XDH: variants seen among roughly 807,000 people sequenced by gnomAD.
XDH encodes the protein xanthine dehydrogenase/oxidase.
XDH carries 138 observed loss-of-function variants against 156.1 expected under a neutral mutation model. The ratio of observed to expected loss-of-function variants is 0.88; its 90% CI spans 0.77 to 1.02. XDH has a LOEUF of 1.02. XDH is among the 50% of genes least tolerant of loss of function. XDH has a pLI of 0.00. For synonymous variants in XDH, 669 were observed against 625.7 expected, an observed-to-expected ratio of 1.07 and a Z score of -1.03; for missense variants, 1,849 against 1,684.9, an observed-to-expected ratio of 1.10 and a Z score of -1.71.
At position 31,401,277 on chromosome 2, in the gene XDH, A is replaced by T; in HGVS notation, c.249T>A (p.Val83=). The T allele has an allele frequency of 6.2e-7, 1 of 1,614,208 alleles. No homozygotes were observed. The highest frequency in any genetic ancestry group is 8.5e-7 in the Non-Finnish European group (1 of 1,180,024). ...CLAPICSLHH[V]AVTTVEGIGS... The stretch of plus-strand genomic sequence containing the variant: ...CTATTCCTTCCACAGTTGTCACTGC[A>T]ACATGGTGCAAGGAGCAGATGGGGG... Residue 83 remains valine (V), a synonymous_variant, in exon 4 of 36, where the codon GTT becomes GTA. Coordinates refer to ENST00000379416, the MANE Select transcript of XDH (RefSeq NM_000379.4).
chr2:31,392,208 G>A (rs1686785440), intron 6 of XDH, among the ~76,000 whole-genome samples: 1 of 151,596 alleles, frequency 6.6e-6, no homozygotes, highest in Non-Finnish European at 1.5e-5. Context: ...AGTTAGCCTG[G>A]CCAGAGGCTT....
chr2:31,366,762 T>C, intron 21 of XDH, 108 bp downstream of exon 21: 2 of 1,576,104 alleles, frequency 1.3e-6, no homozygotes, highest in Non-Finnish European at 1.7e-6. Flanking sequence ...GAGTACCCTC[T>C]GGACCAGCCC....
intron 18 of XDH, among the ~76,000 whole-genome samples, chr2:31,369,319 TA>T (rs1419316472): frequency 2.6e-5 from 4 of 152,102 alleles, no homozygotes; most frequent in Non-Finnish European, 5.9e-5. Context: ...CCCATAAAAA[TA>T]TTTTTAAAAA....
chr2:31,359,672 T>C (rs557019286), intron 24 of XDH, among the ~76,000 whole-genome samples: 7 of 152,334 alleles, frequency 4.6e-5, no homozygotes, highest in Admixed American at 4.6e-4. Flanking sequence ...GAGATTTCTT[T>C]GATTCCAATT....
rs1686264543 is a variant in XDH, at chr2:31,377,054, T to A, written c.1426A>T (p.Lys476Ter). 2 of 1,614,002 alleles carry A rather than the reference T, an allele frequency of 1.2e-6. No individual in the cohort carries two copies. The change falls in exon 14 of 36, where the codon AAG becomes TAG. Residue 476 changes from lysine (K) to a stop codon, truncating the protein, a stop_gained and splice_region_variant. Coordinates refer to ENST00000379416, the MANE Select transcript of XDH (RefSeq NM_000379.4). LOFTEE classifies it high-confidence loss of function. ...TTTCATTGTGCTGTTAGCTCTTACT[T>A]GGAAAGCTGCCTCTGAGTGGTCTTG... ...ALKTTQRQLS[K>*]LWKEELLQDV...
intron 26 of XDH, among the ~76,000 whole-genome samples, chr2:31,349,454 G>A (rs914189188): frequency 2.6e-5 from 4 of 152,170 alleles, no homozygotes; most frequent in African/African-American, 7.2e-5. Context: ...TTACAAACGC[G>A]TAAAGATGAA....
chr2:31,398,596 T>C lies in XDH; in HGVS notation c.410A>G (p.Glu137Gly). 6.2e-7 allele frequency: 1 copy of C among 1,614,090 alleles called. No homozygotes were observed. Among genetic ancestry groups the C allele is most frequent in the Non-Finnish European group, 8.5e-7 (1 of 1,179,964 alleles). The change falls in exon 5 of 36, where the codon GAG becomes GGG. Residue 137 changes from glutamate (E) to glycine (G), a missense_variant. Coordinates refer to ENST00000379416, the MANE Select transcript of XDH (RefSeq NM_000379.4). ...ACCTTGGAAGGCATTCTCAATCTCC[T>C]CCATGGTGGGCTCGGGCTGATTCCG... ...LLRNQPEPTM[E>G]EIENAFQGNL...
At chr2:31,370,278 G>C in intron 18 of XDH, 77 bp downstream of exon 18, 1 of 1,538,560 alleles carries the variant, frequency 6.5e-7, no homozygotes, top group Non-Finnish European at 8.9e-7. Context: ...TCCAGATCAG[G>C]AGTTTGGAGC....
chr2:31,405,312 C>T (rs1188739701), intron 2 of XDH, among the ~76,000 whole-genome samples: 3 of 152,104 alleles, frequency 2.0e-5, no homozygotes, highest in Non-Finnish European at 2.9e-5. Flanking sequence ...AGAATACTTC[C>T]GATACTCAGA....
At chr2:31,393,541 G>C (rs779096608) in intron 6 of XDH, among the ~76,000 whole-genome samples, 2 of 152,148 alleles carry the variant, frequency 1.3e-5, no homozygotes, top group Non-Finnish European at 2.9e-5. Context: ...ACAACATATA[G>C]TTGGGTCTTG....
intron 32 of XDH, among the ~76,000 whole-genome samples, chr2:31,341,632 C>A (rs1414041279): frequency 6.6e-6 from 1 of 152,070 alleles, no homozygotes; most frequent in African/African-American, 2.4e-5. Flanking sequence ...CAGCAATGAT[C>A]TCTCAGTAAC....
intron 3 of XDH, 66 bp downstream of exon 3, chr2:31,402,982 C>T: frequency 1.9e-6 from 3 of 1,561,174 alleles, no homozygotes; most frequent in African/African-American, 1.3e-5. Flanking sequence ...CACTCATGCA[C>T]TCCCTCACAA....
chr2:31,367,177 A>C (rs954720847), intron 20 of XDH, among the ~76,000 whole-genome samples, 183 bp from the exon 21 acceptor site: 10 of 152,134 alleles, frequency 6.6e-5, no homozygotes, highest in Non-Finnish European at 1.0e-4. Context: ...CTGGGAGCTG[A>C]GTGCTCCAGC....
intron 13 of XDH, among the ~76,000 whole-genome samples, chr2:31,377,856 CAA>C (rs774031982): frequency 8.4e-5 from 10 of 119,054 alleles, no homozygotes; most frequent in Non-Finnish European, 5.4e-5. Context: ...CCTATCTCTA[CAA>C]AAAAAAAAAA....
At chr2:31,385,750 C>T (rs527542977) in intron 9 of XDH, among the ~76,000 whole-genome samples, 1 of 152,342 alleles carries the variant, frequency 6.6e-6, no homozygotes, top group South Asian at 2.1e-4. Flanking sequence ...CCAGGCCTCA[C>T]GTCCTAGGTG....
Position 31,364,262 on chromosome 2 carries a change from G to T in XDH, c.2545-18C>A. 6.2e-7 allele frequency: 1 copy of T among 1,613,530 alleles called. No individual in the cohort carries two copies. Among genetic ancestry groups the T allele is most frequent in the Non-Finnish European group, 8.5e-7 (1 of 1,179,524 alleles). ...AAGCCAACCTGATAAAAGGAGAAAG[G>T]AGAGGGATTTATCATAAGTCCCGTT... On this transcript the variant is annotated intron_variant, in intron 23 of 35. Transcript: ENST00000379416.
chr2:31,387,326 G>C (rs1015347935), intron 8 of XDH, among the ~76,000 whole-genome samples: 1 of 152,116 alleles, frequency 6.6e-6, no homozygotes, highest in African/African-American at 2.4e-5. Flanking sequence ...TAAAGTGGGT[G>C]TGAGGGGGTT....
At chr2:31,369,369 A>G (rs370534455) in intron 18 of XDH, among the ~76,000 whole-genome samples, 20 of 152,224 alleles carry the variant, frequency 1.3e-4, no homozygotes, top group South Asian at 1.0e-3. Context: ...TTGTTTAATA[A>G]TTCAGTTTCA....
intron 6 of XDH, among the ~76,000 whole-genome samples, chr2:31,391,279 G>A (rs1339958226): frequency 6.6e-6 from 1 of 152,068 alleles, no homozygotes; most frequent in Non-Finnish European, 1.5e-5. Flanking sequence ...TCAGTTGACT[G>A]TATTTATGTT....
Sources: allele counts gnomAD v4.1 joint callset (sites outside exome capture counted in the v4.1 genomes callset), GRCh38; gene constraint gnomAD v4.1.1; transcripts MANE v1.5; gene names NCBI Gene and HGNC (gene_info 2026-07-23, HGNC 2026-07-21).